Variants in CDK5RAP2 observed in about 807,000 individuals in gnomAD.
CDK5RAP2 encodes the protein CDK5 regulatory subunit-associated protein 2.
CDK5RAP2 carries 147 observed loss-of-function variants against 232.9 expected under a neutral mutation model. The observed-to-expected ratio is 0.63, with a 90% CI of 0.55 to 0.72. The LOEUF (loss-of-function observed/expected upper bound fraction) is 0.72. Among genes scored for constraint, CDK5RAP2 ranks in the 30% least tolerant of loss-of-function variants. The pLI is 0.00. For synonymous variants in CDK5RAP2, 833 were observed against 833.7 expected, an observed-to-expected ratio of 1.00 and a Z score of 0.01; for missense variants, 2,195 against 2,231.5, an observed-to-expected ratio of 0.98 and a Z score of 0.33.
chr9:120,555,907 T>C (rs1025202919), intron 3 of CDK5RAP2, among the ~76,000 whole-genome samples: 2 of 152,180 alleles, frequency 1.3e-5, no homozygotes, highest in African/African-American at 4.8e-5. Context: ...TCAAAGACAT[T>C]ATGCTGAGGC....
At chr9:120,554,349 A>G (rs1278077135) in intron 3 of CDK5RAP2, among the ~76,000 whole-genome samples, 2 of 152,234 alleles carry the variant, frequency 1.3e-5, no homozygotes, top group Admixed American at 1.3e-4. Flanking sequence ...TACTAAATGC[A>G]GTGTGTCTGT....
intron 3 of CDK5RAP2, among the ~76,000 whole-genome samples, chr9:120,553,032 G>A (rs1489258833): frequency 1.3e-5 from 2 of 151,960 alleles, no homozygotes; most frequent in African/African-American, 4.8e-5. Flanking sequence ...AAAAGTTGGG[G>A]GAAAAAATAG....
chr9:120,518,210 T>TGTGTGAGA (rs1554770753), intron 12 of CDK5RAP2, among the ~76,000 whole-genome samples: 14 of 43,900 alleles, frequency 3.2e-4, no homozygotes, highest in South Asian at 8.9e-4. Context: ...TGTGTGTGTG[T>TGTGTGAGA]GAGAGAGAGA....
intron 21 of CDK5RAP2, among the ~76,000 whole-genome samples, chr9:120,452,350 T>C (rs945990012): frequency 3.3e-5 from 5 of 152,034 alleles, no homozygotes; most frequent in African/African-American, 1.2e-4. Flanking sequence ...TCAAAAGCAA[T>C]TTTGCTAATG....
chr9:120,502,107 G>A (rs144566986), intron 12 of CDK5RAP2, among the ~76,000 whole-genome samples: 40 of 152,220 alleles, frequency 2.6e-4, no homozygotes, highest in Middle Eastern at 6.8e-3. Flanking sequence ...TCTTTTGCAT[G>A]ACTCACTAAC....
Position 120,539,086 on chromosome 9 carries a change from C to G in CDK5RAP2, c.462G>C (p.Gln154His). Residue 154 changes from glutamine (Q) to histidine (H), a missense_variant, in exon 6 of 38, where the codon CAG (glutamine) becomes CAC (histidine). Coordinates refer to ENST00000349780, the MANE Select transcript of CDK5RAP2 (RefSeq NM_018249.6). Reference sequence around the variant, plus strand: ...TTTTAGTTAGGAGATCTTCCACCTGCTGCACCTTCTTTCGAGCATCTTCTT... The same window carrying G: ...TTTTAGTTAGGAGATCTTCCACCTGGTGCACCTTCTTTCGAGCATCTTCTT... ...RVKEDARKKVQQVEDLLTKRI... is the reference protein window; with the variant it reads ...RVKEDARKKVHQVEDLLTKRI... 1 of 1,613,992 alleles carries G rather than the reference C, an allele frequency of 6.2e-7. No homozygotes were observed. The highest frequency in any genetic ancestry group is 1.1e-5 in the South Asian group (1 of 91,078).
intron 35 of CDK5RAP2, among the ~76,000 whole-genome samples, chr9:120,399,976 G>C (rs2032855402): frequency 6.6e-6 from 1 of 152,152 alleles, no homozygotes; most frequent in South Asian, 2.1e-4. Flanking sequence ...ATGAGATAAT[G>C]ACAAAAAATG....
At chr9:120,471,660 T>C in intron 16 of CDK5RAP2, 88 bp downstream of exon 16, 3 of 1,588,548 alleles carry the variant, frequency 1.9e-6, no homozygotes, top group Non-Finnish European at 2.6e-6. Context: ...GCTTCATCCC[T>C]TAACAAATAT....
intron 12 of CDK5RAP2, among the ~76,000 whole-genome samples, chr9:120,505,976 G>A (rs2039791270): frequency 6.6e-6 from 1 of 152,234 alleles, no homozygotes; most frequent in Non-Finnish European, 1.5e-5. Flanking sequence ...TAAGATAACT[G>A]ATGGAGGTAG....
rs1407794299 is a variant in CDK5RAP2 at position 120,397,567 on chromosome 9, AAAAAAG to A, written c.5452-2935_5452-2930del. On this transcript the variant is annotated intron_variant, in intron 35 of 37. Transcript: ENST00000349780. ...CTTAAAAAAAAAAAAAAAAAAAAAG[AAAAAAG>A]AAAAAAAAAAAAGCCCAACACAGTA... Among the ~76,000 whole-genome samples, 196 of 91,554 alleles carry A rather than the reference AAAAAAG, an allele frequency of 2.1e-3. 1 individual carries two copies. The highest frequency in any genetic ancestry group is 6.9e-3 in the East Asian group (29 of 4,204). The allele number at this position is 91,554 out of a possible 152,430, so 60.1% of individuals were successfully genotyped here. A position where few individuals can be genotyped will look rare whatever the true frequency, so the allele number is the denominator to read the frequency against.
chr9:120,545,753 C>G lies in CDK5RAP2; in HGVS notation c.344G>C (p.Arg115Pro), dbSNP rs772364241. 6.2e-7 allele frequency: 1 copy of G among 1,613,824 alleles called. No homozygotes were observed. The highest frequency in any genetic ancestry group is 1.7e-5 in the Admixed American group (1 of 60,006). The change falls in exon 5 of 38, where the codon CGG (arginine) becomes CCG (proline). Residue 115 changes from arginine (R) to proline (P), a missense_variant. Coordinates refer to ENST00000349780, the MANE Select transcript of CDK5RAP2 (RefSeq NM_018249.6). ...ELKVEVESLK[R>P]ELQEREQLLI... ...CAGCTGCTCTCTCTCCTGGAGTTCC[C>G]GCTTCAGACTTTCTACTTCCACCTT...
chr9:120,443,870 T>C (rs530604870), intron 22 of CDK5RAP2, 128 bp from the exon 23 acceptor site: 8 of 1,193,602 alleles, frequency 6.7e-6, no homozygotes, highest in African/African-American at 6.1e-5. Flanking sequence ...AAATGCAATT[T>C]ATAAGATAAA....
chr9:120,540,139 G>A (rs988030021), intron 5 of CDK5RAP2, among the ~76,000 whole-genome samples: 5 of 152,156 alleles, frequency 3.3e-5, no homozygotes, highest in Admixed American at 1.3e-4. Context: ...CGGCAGTGGT[G>A]GGAACGGCAC....
At chr9:120,538,796 A>G (rs891008967) in intron 6 of CDK5RAP2, among the ~76,000 whole-genome samples, 2 of 152,236 alleles carry the variant, frequency 1.3e-5, no homozygotes, top group African/African-American at 4.8e-5. Flanking sequence ...ACGAGTTAGT[A>G]CTTCTCTCTG....
chr9:120,418,531 T>A (rs2034372300), intron 27 of CDK5RAP2, among the ~76,000 whole-genome samples: 1 of 152,138 alleles, frequency 6.6e-6, no homozygotes, highest in African/African-American at 2.4e-5. Context: ...GTCACTGAGT[T>A]ACACACTGAA....
intron 3 of CDK5RAP2, among the ~76,000 whole-genome samples, chr9:120,558,705 C>T (rs1344508082): frequency 1.3e-5 from 2 of 152,166 alleles, no homozygotes; most frequent in Non-Finnish European, 2.9e-5. Context: ...CAGGGTGGCT[C>T]GATCTCATCC....
intron 22 of CDK5RAP2, among the ~76,000 whole-genome samples, chr9:120,445,530 G>A (rs1011111902): frequency 3.3e-5 from 5 of 152,184 alleles, no homozygotes; most frequent in Middle Eastern, 3.4e-3. Flanking sequence ...CCCACTCCAC[G>A]GAAACAGCTC....
intron 13 of CDK5RAP2, among the ~76,000 whole-genome samples, chr9:120,489,771 T>C (rs2038798757): frequency 1.3e-5 from 2 of 152,032 alleles, no homozygotes; most frequent in South Asian, 2.1e-4. Flanking sequence ...ATTTCCTCTA[T>C]GTACCTCTGT....
chr9:120,491,508 A>G, intron 12 of CDK5RAP2, 31 bp from the exon 13 acceptor site: 1 of 1,541,454 alleles, frequency 6.5e-7, no homozygotes. Flanking sequence ...AATGGAATTT[A>G]CTTGACAAAA....
Sources: allele counts gnomAD v4.1 joint callset (sites outside exome capture counted in the v4.1 genomes callset), GRCh38; gene constraint gnomAD v4.1.1; transcripts MANE v1.5; gene names NCBI Gene and HGNC (gene_info 2026-07-23, HGNC 2026-07-21).